Variants in HTR2A observed in about 807,000 individuals in gnomAD.
The protein encoded by HTR2A is 5-hydroxytryptamine receptor 2A.
HTR2A carries 14 observed loss-of-function variants against 31.0 expected under a neutral mutation model. The ratio of observed to expected loss-of-function variants is 0.45; its 90% CI spans 0.30 to 0.71. The LOEUF is 0.71. Among genes scored for constraint, HTR2A ranks in the 30% least tolerant of loss-of-function variants. The pLI is 0.09. For synonymous variants in HTR2A, 209 were observed against 225.2 expected (o/e 0.93, Z 0.64); for missense variants, 442 against 573.3 (o/e 0.77, Z 2.34).
At position 46,834,886 on chromosome 13, in the gene HTR2A, G is replaced by A. The variant is rs1378958837; in HGVS notation, c.1367C>T (p.Ala456Val). 2 of 1,613,922 alleles carry A rather than the reference G, an allele frequency of 1.2e-6. No individual in the cohort carries two copies. The highest frequency in any genetic ancestry group is 1.7e-6 in the Non-Finnish European group (2 of 1,179,932). Residue 456 changes from alanine (A) to valine (V), a missense_variant, in exon 4 of 4, where the codon GCT becomes GTT. Physicochemically the swap from Ala to Val is moderately conservative, Grantham distance 64. This residue lies in a region of HTR2A where 88 missense variants were observed against 83.1 expected (regional missense o/e 1.06). Transcript: ENST00000542664. The stretch of plus-strand genomic sequence containing the variant: ...CACTCCGTCGCTATTGTCTTTAGAA[G>A]CCTCTTCAGAATGCTGCTTTCCTAG... ...VALGKQHSEE[A>V]SKDNSDGVNE...
At chr13:46,867,002 G>A (rs1950823296) in intron 3 of HTR2A, among the ~76,000 whole-genome samples, 2 of 152,156 alleles carry the variant, frequency 1.3e-5, no homozygotes, top group Admixed American at 1.3e-4. Context: ...CTCCAGCCTG[G>A]GTGACAAGAG....
In HTR2A at chr13:46,866,411, A is replaced by G. The variant is rs1950818554; in HGVS notation, c.613+25979T>C. On this transcript the variant is annotated intron_variant, in intron 3 of 3. Transcript: ENST00000542664. The stretch of plus-strand genomic sequence containing the variant: ...CCTGTACTGCCTGAGGGGCTGTGCA[A>G]TCAACTCAGGCCTCAGGGGAGAGAG... 2.0e-5 allele frequency among the ~76,000 whole-genome samples: 3 copies of G among 152,308 alleles called. No homozygotes were observed. In the South Asian group the frequency reaches 6.2e-4, roughly 32 times the overall value.
At chr13:46,881,753 G>A (rs1950965788) in intron 3 of HTR2A, among the ~76,000 whole-genome samples, 1 of 152,132 alleles carries the variant, frequency 6.6e-6, no homozygotes, top group Non-Finnish European at 1.5e-5. Flanking sequence ...AAACCTGGAG[G>A]GTCCCAGGAG....
chr13:46,897,974 C>T (rs1028577706), upstream of HTR2A, among the ~76,000 whole-genome samples: 3 of 152,324 alleles, frequency 2.0e-5, no homozygotes, highest in Middle Eastern at 3.4e-3. Context: ...ATGATGGAAT[C>T]ACCACCTCTT....
intron 3 of HTR2A, among the ~76,000 whole-genome samples, chr13:46,857,298 A>T (rs1023157360): frequency 2.8e-5 from 2 of 72,100 alleles, no homozygotes; most frequent in Non-Finnish European, 6.3e-5. Flanking sequence ...ACTCCATCTT[A>T]AAAAAAAAAA....
At chr13:46,855,285 T>C (rs1371302887) in intron 3 of HTR2A, among the ~76,000 whole-genome samples, 1 of 152,222 alleles carries the variant, frequency 6.6e-6, no homozygotes, top group Admixed American at 6.5e-5. Context: ...GAAGTGATAC[T>C]ATAGATTGCT....
chr13:46,895,716 G>T lies in HTR2A; in HGVS notation c.191C>A (p.Ser64Ter). 6.2e-7 allele frequency: 1 copy of T among 1,614,108 alleles called. No individual in the cohort carries two copies. ...NLSCEGCLSP[S>*]CLSLLHLQEK... is the part of the protein sequence containing the mutation. ...CTGGAGATGAAGTAAGGAGAGACAC[G>T]ACGGTGAGAGGCACCCTTCACAGGA... Residue 64 changes from serine (S) to a stop codon, truncating the protein, a stop_gained, in exon 2 of 4, where the codon TCG becomes TAG. Coordinates refer to ENST00000542664, the MANE Select transcript of HTR2A (RefSeq NM_000621.5). LOFTEE classifies it high-confidence loss of function. The surrounding 1 kb of genome is among the most constrained non-coding windows in gnomAD (Gnocchi z 4.4).
intron 2 of HTR2A, among the ~76,000 whole-genome samples, chr13:46,894,116 G>A (rs966599553): frequency 6.6e-6 from 1 of 152,346 alleles, no homozygotes; most frequent in East Asian, 1.9e-4. Flanking sequence ...GGGATAAGGA[G>A]GGGGCATTTC....
At chr13:46,883,898 A>G (rs1329537533) in intron 3 of HTR2A, among the ~76,000 whole-genome samples, 1 of 152,206 alleles carries the variant, frequency 6.6e-6, no homozygotes, top group East Asian at 1.9e-4. Context: ...CCTTTTCCTC[A>G]GAATTAGATG....
rs778452148 is a variant in HTR2A, at chr13:46,835,265, A to G, written c.988T>C (p.Phe330Leu). Residue 330 changes from phenylalanine (F) to leucine (L), a missense_variant, in exon 4 of 4, where the codon TTC (phenylalanine) becomes CTC (leucine). Around this residue, in one of 5 missense-constraint regions of HTR2A, gnomAD observed 174 missense variants for 195.1 expected, o/e 0.89. Transcript: ENST00000542664. ...KACKVLGIVF[F>L]LFVVMWCPFF... The stretch of plus-strand genomic sequence containing the variant: ...GGGCACCACATCACCACAAACAGGA[A>G]GAAGACGATGCCCAGCACCTTGCAT... 4.3e-6 allele frequency: 7 copies of G among 1,614,156 alleles called. No individual in the cohort carries two copies. Among genetic ancestry groups the G allele is most frequent in the Non-Finnish European group, 5.9e-6 (7 of 1,180,016 alleles).
intron 3 of HTR2A, among the ~76,000 whole-genome samples, chr13:46,890,179 A>G (rs9534509): frequency 0.045 from 6,889 of 152,290 alleles, 189 homozygotes; most frequent in South Asian, 0.093. Flanking sequence ...CCTTGTCTCT[A>G]CTAAAAATGC....
intron 3 of HTR2A, among the ~76,000 whole-genome samples, chr13:46,880,232 A>G (rs1950949686): frequency 6.6e-6 from 1 of 152,162 alleles, no homozygotes; most frequent in East Asian, 1.9e-4. Flanking sequence ...TAGGACACAG[A>G]GGATGCTGGT....
At chr13:46,855,724 C>CA (rs1186118131) in intron 3 of HTR2A, among the ~76,000 whole-genome samples, 9 of 152,064 alleles carry the variant, frequency 5.9e-5, no homozygotes, top group African/African-American at 2.2e-4. Context: ...ACTGCTCCCC[C>CA]AAAAATTCAA....
In HTR2A at chr13:46,895,580, G is replaced by A. The variant is rs758863570; in HGVS notation, c.327C>T (p.Thr109=). The A allele has an allele frequency of 1.2e-6, 2 of 1,613,976 alleles. No homozygotes were observed. The highest frequency in any genetic ancestry group is 2.7e-5 in the African/African-American group (2 of 74,908). ...TGGCAAGTGACATCAGGAAATAGTT[G>A]GTGGCATTCTGCAGCTTTTTCTCTA... ...VSLEKKLQNA[T]NYFLMSLAIA... is the part of the protein sequence containing the mutation. Residue 109 remains threonine (T), a synonymous_variant, in exon 2 of 4, where the codon ACC becomes ACT. Transcript: ENST00000542664. This position sits in a 1 kb window ranked among gnomAD's most constrained non-coding sequence, Gnocchi z 4.4.
chr13:46,887,610 A>T (rs1395994965), intron 3 of HTR2A, among the ~76,000 whole-genome samples: 1 of 151,992 alleles, frequency 6.6e-6, no homozygotes, highest in East Asian at 1.9e-4. Context: ...AAATAGATGA[A>T]AACATGGAGA....
chr13:46,874,708 A>G (rs1950892780), intron 3 of HTR2A, among the ~76,000 whole-genome samples: 1 of 152,270 alleles, frequency 6.6e-6, no homozygotes, highest in Non-Finnish European at 1.5e-5. Context: ...AACATTAGGA[A>G]TCCTGATGCC....
intron 3 of HTR2A, among the ~76,000 whole-genome samples, chr13:46,862,911 T>C (rs766279473): frequency 2.0e-5 from 3 of 152,238 alleles, no homozygotes; most frequent in Non-Finnish European, 4.4e-5. Context: ...TCTGTGTAAA[T>C]GACTTAAATC....
chr13:46,889,512 A>T (rs1312102480), intron 3 of HTR2A, among the ~76,000 whole-genome samples: 1 of 152,200 alleles, frequency 6.6e-6, no homozygotes, highest in Non-Finnish European at 1.5e-5. Flanking sequence ...CTAGAAAAAG[A>T]AAACTTGTAA....
At chr13:46,839,355 T>C (rs1356618095) in intron 3 of HTR2A, among the ~76,000 whole-genome samples, 1 of 152,082 alleles carries the variant, frequency 6.6e-6, no homozygotes, top group Non-Finnish European at 1.5e-5. Context: ...GGAGAGGAAA[T>C]TTTATGTCAA....
Sources: allele counts gnomAD v4.1 joint callset (sites outside exome capture counted in the v4.1 genomes callset), GRCh38; gene constraint gnomAD v4.1.1; regional missense constraint gnomAD v4.1.1; non-coding constraint Gnocchi (gnomAD v3.1); transcripts MANE v1.5; gene names NCBI Gene and HGNC (gene_info 2026-07-23, HGNC 2026-07-21).